CUX2: variants seen among roughly 807,000 people sequenced by gnomAD.
CUX2 encodes the protein homeobox protein cut-like 2.
CUX2 carries 40 observed loss-of-function variants against 144.8 expected under a neutral mutation model. That is an observed-to-expected ratio of 0.28 (90% confidence interval 0.21 to 0.36). The LOEUF (loss-of-function observed/expected upper bound fraction) is 0.36. CUX2 is among the 10% of genes least tolerant of loss of function. The probability of loss-of-function intolerance (pLI) is 1.00; values close to 1 mark genes in which losing one functional copy is unlikely to be tolerated. For synonymous variants in CUX2, 827 were observed against 875.6 expected (o/e 0.94, Z 0.98); for missense variants, 1,615 against 1,994.0 (o/e 0.81, Z 3.62).
chr12:111,335,086 C>T (rs1202217748), intron 19 of CUX2, among the ~76,000 whole-genome samples: 1 of 151,894 alleles, frequency 6.6e-6, no homozygotes, highest in Non-Finnish European at 1.5e-5. Context: ...CAGAGCAAGA[C>T]CTTGTCTATA....
At position 111,348,415 on chromosome 12, in the gene CUX2, G is replaced by A. The variant is rs182832397; in HGVS notation, c.*90G>A. 2.9e-4 allele frequency: 353 copies of A among 1,209,866 alleles called. 3 individuals are homozygous for A. In the African/African-American group the frequency reaches 4.7e-3, roughly 16 times the overall value. 74.9% of individuals were successfully genotyped at this position (1,209,866 alleles called of 1,614,324 possible). ...CAACAGGATGGGGTAAGGGAGGGAG[G>A]AACTCAACCATCAAAATGTGGACAG... On this transcript the variant is annotated 3_prime_UTR_variant, in exon 22 of 22. Coordinates refer to ENST00000261726, the MANE Select transcript of CUX2 (RefSeq NM_015267.4).
rs868561431 is a variant in CUX2 at position 111,263,811 on chromosome 12, T to G, written c.273T>G (p.Ser91Arg). The change falls in exon 4 of 22, where the codon AGT (serine) becomes AGG (arginine). Residue 91 changes from serine (S) to arginine (R), a missense_variant. This residue lies in a region of CUX2 where 295 missense variants were observed against 400.2 expected (regional missense o/e 0.74). Coordinates refer to ENST00000261726, the MANE Select transcript of CUX2 (RefSeq NM_015267.4). This position sits in a 1 kb window ranked among gnomAD's most constrained non-coding sequence, Gnocchi z 4.0. ...AGGAGGCGGAGGCTGCTTTTCTGAG[T>G]GTTTACAAGCAATTAATTGAAGCAC... ...RSQEAEAAFL[S>R]VYKQLIEAPD... 5.6e-6 allele frequency: 9 copies of G among 1,614,118 alleles called. No individual in the cohort carries two copies. Among genetic ancestry groups the G allele is most frequent in the African/African-American group, 5.3e-5 (4 of 75,014 alleles).
chr12:111,299,470 C>G (rs1886177488), intron 9 of CUX2, among the ~76,000 whole-genome samples: 1 of 152,060 alleles, frequency 6.6e-6, no homozygotes, highest in South Asian at 2.1e-4. Flanking sequence ...ATTCTATGTC[C>G]CTGGGAAGCC....
intron 1 of CUX2, among the ~76,000 whole-genome samples, chr12:111,170,286 G>A (rs968095615): frequency 3.9e-5 from 6 of 152,102 alleles, no homozygotes; most frequent in East Asian, 3.9e-4. Context: ...AAAATTAGCC[G>A]GGAGTGGTGG....
rs970125470 is a variant in CUX2 at position 111,186,838 on chromosome 12, G to A, written c.64-27362G>A. On this transcript the variant is annotated intron_variant, in intron 1 of 21. Coordinates refer to ENST00000261726, the MANE Select transcript of CUX2 (RefSeq NM_015267.4). The surrounding 1 kb of genome is among the most constrained non-coding windows in gnomAD (Gnocchi z 4.4). ...GCATCACCCAGACTGGAGTGCAGTG[G>A]TGCAATCTCAGCTCATTGCAACCTC... is the stretch of plus-strand genomic sequence containing the variant. Among the ~76,000 whole-genome samples, 21 of 151,662 alleles carry A rather than the reference G, an allele frequency of 1.4e-4. No individual in the cohort carries two copies. Among genetic ancestry groups the A allele is most frequent in the African/African-American group, 5.1e-4 (21 of 41,232 alleles).
intron 3 of CUX2, among the ~76,000 whole-genome samples, chr12:111,226,920 G>A (rs1377668799): frequency 6.6e-6 from 1 of 152,232 alleles, no homozygotes. Context: ...ATGGAAGGCC[G>A]TGCGGGGCCA....
At chr12:111,194,119 A>C (rs1352432496) in intron 1 of CUX2, among the ~76,000 whole-genome samples, 1 of 152,152 alleles carries the variant, frequency 6.6e-6, no homozygotes, top group Non-Finnish European at 1.5e-5. Flanking sequence ...CACTAAAGCG[A>C]ATCTCTAGAG....
At chr12:111,257,651 T>C (rs558520847) in intron 3 of CUX2, among the ~76,000 whole-genome samples, 2 of 118,892 alleles carry the variant, frequency 1.7e-5, no homozygotes, top group African/African-American at 6.7e-5. Context: ...TTCCTCCTCC[T>C]TCCTCCTCCT....
At position 111,293,388 on chromosome 12, in the gene CUX2, T is replaced by C; in HGVS notation, c.437-58T>C. ...ATCGATCCGGTTTACAGAAAGCGGC[T>C]CTGGCTGCCACGTTGCTCTCTTGGC... On this transcript the variant is annotated intron_variant, in intron 5 of 21. Transcript: ENST00000261726. The surrounding 1 kb of genome is among the most constrained non-coding windows in gnomAD (Gnocchi z 4.5). 1 of 1,556,224 alleles carries C rather than the reference T, an allele frequency of 6.4e-7. No individual in the cohort carries two copies. The highest frequency in any genetic ancestry group is 8.7e-7 in the Non-Finnish European group (1 of 1,151,486).
rs565115434 is a variant in CUX2, at chr12:111,170,166, G to A, written c.64-44034G>A. Among the ~76,000 whole-genome samples the A allele has an allele frequency of 4.6e-5, 7 of 152,304 alleles. No homozygotes were observed. The South Asian group carries it at 8.3e-4, about 18-fold the overall frequency. ...TATTAAGAACAATAACTGGCCAGGC[G>A]TGGTGGCTCACGCCTGTAATCCCAG... On this transcript the variant is annotated intron_variant, in intron 1 of 21. Coordinates refer to ENST00000261726, the MANE Select transcript of CUX2 (RefSeq NM_015267.4).
At chr12:111,252,313 G>C (rs1883599627) in intron 3 of CUX2, among the ~76,000 whole-genome samples, 1 of 152,240 alleles carries the variant, frequency 6.6e-6, no homozygotes, top group Non-Finnish European at 1.5e-5. Context: ...GGAAACTGAG[G>C]CTCTGAAAGG....
At chr12:111,072,972 G>A (rs1871319112) in intron 1 of CUX2, among the ~76,000 whole-genome samples, 1 of 152,160 alleles carries the variant, frequency 6.6e-6, no homozygotes, top group South Asian at 2.1e-4. Context: ...TAAGCAAAAA[G>A]AAGAAAATAA....
intron 1 of CUX2, among the ~76,000 whole-genome samples, chr12:111,153,251 AT>A (rs776768757): frequency 2.0e-5 from 3 of 152,172 alleles, no homozygotes; most frequent in Non-Finnish European, 4.4e-5. Context: ...TTATTTATTC[AT>A]TCAATAAGCG....
chr12:111,310,127 C>T lies in CUX2; in HGVS notation c.1345C>T (p.Pro449Ser), dbSNP rs900960783. 7 of 1,507,040 alleles carry T rather than the reference C, an allele frequency of 4.6e-6. No individual in the cohort carries two copies. In the African/African-American group the frequency reaches 5.6e-5, roughly 12 times the overall value. The allele number at this position is 1,507,040 out of a possible 1,614,324, so 93.4% of individuals were successfully genotyped here. The change falls in exon 15 of 22, where the codon CCA becomes TCA. Residue 449 changes from proline (P) to serine (S), a missense_variant. Physicochemically the swap from Pro to Ser is moderately conservative, Grantham distance 74. This residue lies in a region of CUX2 where 154 missense variants were observed against 148.4 expected (regional missense o/e 1.04). Transcript: ENST00000261726. This position sits in a 1 kb window ranked among gnomAD's most constrained non-coding sequence, Gnocchi z 7.9. ...CTCCCCTCAGCAGCTCCCACCTCCA[C>T]CAGGGCCAGAAGACCCCCTGTCTCC... ...YPSPQQLPPP[P>S]GPEDPLSPSP...
chr12:111,139,332 G>A (rs572248965), intron 1 of CUX2, among the ~76,000 whole-genome samples: 5 of 152,138 alleles, frequency 3.3e-5, no homozygotes, highest in Non-Finnish European at 1.5e-5. Flanking sequence ...GATGGGGTTT[G>A]GGAGAGAAAG....
At chr12:111,250,004 T>A (rs1435195904) in intron 3 of CUX2, among the ~76,000 whole-genome samples, 1 of 152,190 alleles carries the variant, frequency 6.6e-6, no homozygotes, top group Non-Finnish European at 1.5e-5. Context: ...GACAAATGCA[T>A]GATGTCATGT....
At chr12:111,262,625 C>T (rs1442234476) in intron 3 of CUX2, among the ~76,000 whole-genome samples, 1 of 152,058 alleles carries the variant, frequency 6.6e-6, no homozygotes, top group African/African-American at 2.4e-5. Context: ...ACAATCCTCC[C>T]GCCTCAGCCT....
At chr12:111,132,855 A>G (rs554693599) in intron 1 of CUX2, among the ~76,000 whole-genome samples, 3 of 152,240 alleles carry the variant, frequency 2.0e-5, no homozygotes, top group Admixed American at 2.0e-4. Context: ...GGCATGAGCC[A>G]CTATGCCTGG....
chr12:111,347,879 G>A lies in CUX2; in HGVS notation c.4015G>A (p.Asp1339Asn). 6.2e-7 allele frequency: 1 copy of A among 1,614,098 alleles called. No individual in the cohort carries two copies. Among genetic ancestry groups the A allele is most frequent in the Non-Finnish European group, 8.5e-7 (1 of 1,180,020 alleles). Residue 1339 changes from aspartate (D) to asparagine (N), a missense_variant, in exon 22 of 22, where the codon GAT (aspartate) becomes AAT (asparagine). By Grantham distance (23) the Asp-to-Asn change is conservative. Coordinates refer to ENST00000261726, the MANE Select transcript of CUX2 (RefSeq NM_015267.4). ...KEEHPDPPGN[D>N]GLPKVAPGPL... ...GGAGCATCCCGACCCTCCGGGTAAT[G>A]ATGGACTCCCAAAAGTGGCTCCCGG...
Sources: gnomAD v4.1 joint callset for allele counts (sites outside exome capture counted in the v4.1 genomes callset) on GRCh38, gnomAD v4.1.1 for gene constraint, gnomAD v4.1.1 regional missense constraint, Gnocchi (gnomAD v3.1) non-coding constraint, MANE v1.5 for transcripts, NCBI Gene and HGNC (gene_info 2026-07-23, HGNC 2026-07-21) for gene names.